The following MMS22L variants were observed in gnomAD, a reference collection of about 807,000 sequenced individuals.
MMS22L encodes the protein MMS22 like, DNA repair protein.
Under a neutral mutation model 159.1 loss-of-function variants are expected in MMS22L, and 74 were observed. The observed-to-expected ratio is 0.47, with a 90% CI of 0.39 to 0.56. MMS22L has a LOEUF of 0.56. MMS22L is among the 20% of genes least tolerant of loss of function. MMS22L has a pLI of 0.00. For missense variants in MMS22L, 1,351 were observed against 1,422.1 expected, an observed-to-expected ratio of 0.95 and a Z score of 0.80; for synonymous variants, 517 against 506.9, an observed-to-expected ratio of 1.02 and a Z score of -0.27.
chr6:97,149,061 G>C (rs183246553), intron 24 of MMS22L, among the ~76,000 whole-genome samples: 2 of 152,128 alleles, frequency 1.3e-5, no homozygotes, highest in Non-Finnish European at 2.9e-5. Context: ...TAGCCTAGGA[G>C]CAATAGGCCA....
At chr6:97,255,634 T>G (rs948214753) in intron 9 of MMS22L, among the ~76,000 whole-genome samples, 1 of 152,114 alleles carries the variant, frequency 6.6e-6, no homozygotes, top group African/African-American at 2.4e-5. Flanking sequence ...CCTCTAATTA[T>G]AACTTTTAGC....
intron 22 of MMS22L, among the ~76,000 whole-genome samples, chr6:97,160,395 C>T (rs867661397): frequency 2.0e-5 from 3 of 151,932 alleles, no homozygotes; most frequent in Non-Finnish European, 4.4e-5. Flanking sequence ...TGACAGGTCC[C>T]CCTCTACACT....
intron 24 of MMS22L, among the ~76,000 whole-genome samples, chr6:97,148,336 A>C (rs1801012793): frequency 6.6e-6 from 1 of 152,174 alleles, no homozygotes; most frequent in Non-Finnish European, 1.5e-5. Flanking sequence ...ACTCCTCTTT[A>C]TACTTATAAA....
At chr6:97,273,568 T>C (rs2128095093) in intron 4 of MMS22L, among the ~76,000 whole-genome samples, 1 of 152,210 alleles carries the variant, frequency 6.6e-6, no homozygotes, top group East Asian at 1.9e-4. Context: ...ACCTTCCGTG[T>C]TAAACTGCCT....
intron 18 of MMS22L, among the ~76,000 whole-genome samples, chr6:97,175,476 T>C (rs911410280): frequency 4.6e-5 from 7 of 152,322 alleles, no homozygotes; most frequent in South Asian, 4.1e-4. Context: ...AACTAAACCA[T>C]GGTGTCTGAA....
chr6:97,170,267 A>G (rs2128252316), intron 19 of MMS22L, among the ~76,000 whole-genome samples: 1 of 152,222 alleles, frequency 6.6e-6, no homozygotes, highest in South Asian at 2.1e-4. Context: ...TTTGTTGAAG[A>G]CTGTAAGCTT....
chr6:97,245,876 CACACACACACACACAT>C lies in MMS22L; in HGVS notation c.1182+736_1182+751del, dbSNP rs1209013076. On this transcript the variant is annotated intron_variant, in intron 11 of 24. Coordinates refer to ENST00000683635, the MANE Select transcript of MMS22L (RefSeq NM_001350599.2). ...ACACACACACACACACACACACACA[CACACACACACACACAT>C]ATAAAGCAATATTATACTACAATAT... 1.0e-4 allele frequency: 17 copies of C among 169,102 alleles called. 1 individual carries two copies. Among genetic ancestry groups the C allele is most frequent in the South Asian group, 4.2e-4 (5 of 11,938 alleles). The allele number at this position is 169,102 out of a possible 1,614,324, so 10.5% of individuals were successfully genotyped here.
Position 97,267,925 on chromosome 6 carries a change from A to G in MMS22L, c.775T>C (p.Cys259Arg). The G allele has an allele frequency of 5.0e-6, 8 of 1,610,058 alleles. No individual in the cohort carries two copies. The highest frequency in any genetic ancestry group is 6.8e-6 in the Non-Finnish European group (8 of 1,178,696). Reference sequence around the variant, plus strand: ...ATTAAATCACAAAGGAGAGTTTCACAATGTTCTTCAAATAGGCTGATGTTG... The same window carrying G: ...ATTAAATCACAAAGGAGAGTTTCACGATGTTCTTCAAATAGGCTGATGTTG... ...LTNISLFEEHCETLLCDLISL... is the reference protein window; with the variant it reads ...LTNISLFEEHRETLLCDLISL... Residue 259 changes from cysteine to arginine, a missense_variant, in exon 8 of 25, where the codon TGT (cysteine) becomes CGT (arginine). By Grantham distance (180) the Cys-to-Arg change is radical (BLOSUM62 -3). Transcript: ENST00000683635.
At chr6:97,234,208 C>T (rs925994442) in intron 11 of MMS22L, among the ~76,000 whole-genome samples, 7 of 152,068 alleles carry the variant, frequency 4.6e-5, no homozygotes, top group African/African-American at 9.7e-5. Flanking sequence ...TCACATAACT[C>T]GACTTTTAAT....
chr6:97,182,996 T>C (rs1373431043), intron 15 of MMS22L, among the ~76,000 whole-genome samples: 1 of 152,274 alleles, frequency 6.6e-6, no homozygotes, highest in African/African-American at 2.4e-5. Context: ...GACTCTTGAT[T>C]TCTTGAACTC....
chr6:97,243,788 C>T (rs972616477), intron 11 of MMS22L, among the ~76,000 whole-genome samples: 1 of 152,106 alleles, frequency 6.6e-6, no homozygotes, highest in Non-Finnish European at 1.5e-5. Context: ...ATGTGGTGTT[C>T]TCCCCCTTCC....
intron 4 of MMS22L, among the ~76,000 whole-genome samples, chr6:97,274,379 T>C (rs1007124798): frequency 6.6e-6 from 1 of 152,138 alleles, no homozygotes; most frequent in African/African-American, 2.4e-5. Flanking sequence ...TCTCGGCCCA[T>C]TAAGGCAGTA....
intron 9 of MMS22L, among the ~76,000 whole-genome samples, chr6:97,255,007 A>G (rs1277886474): frequency 6.6e-6 from 1 of 152,030 alleles, no homozygotes; most frequent in Non-Finnish European, 1.5e-5. Flanking sequence ...TTCGCCACAC[A>G]GGTATACCAG....
rs1235390920 is a variant in MMS22L at position 97,145,874 on chromosome 6, G to A, written c.*932C>T. 6.6e-6 allele frequency: 1 copy of A among 152,052 alleles called. No homozygotes were observed. The highest frequency in any genetic ancestry group is 1.5e-5 in the Non-Finnish European group (1 of 67,984). The allele number at this position is 152,052 out of a possible 1,614,324, so 9.4% of individuals were successfully genotyped here. A position where few individuals can be genotyped will look rare whatever the true frequency, so the allele number is the denominator to read the frequency against. ...AGGAGTCAAGGACAAGCTCCAACTG[G>A]TAAAACAATCTGGATGAGTTAAGAG... On this transcript the variant is annotated 3_prime_UTR_variant, in exon 25 of 25. Transcript: ENST00000683635.
intron 4 of MMS22L, among the ~76,000 whole-genome samples, chr6:97,278,267 G>GT (rs1816434804): frequency 6.6e-6 from 1 of 151,974 alleles, no homozygotes; most frequent in African/African-American, 2.4e-5. Flanking sequence ...GCTGGGGGTG[G>GT]TGGCAGGTGC....
At chr6:97,266,670 TG>T (rs1815152765) in intron 8 of MMS22L, 1 of 152,164 alleles carries the variant, frequency 6.6e-6, no homozygotes, top group Non-Finnish European at 1.5e-5. Context: ...CTTGAGAAGA[TG>T]GAAATGCTGT....
intron 17 of MMS22L, 39 bp from the exon 18 acceptor site, chr6:97,178,624 T>A (rs1460851557): frequency 9.1e-7 from 1 of 1,101,558 alleles, no homozygotes; most frequent in Admixed American, 2.5e-5. Flanking sequence ...TCAATTTATA[T>A]AACATACTAT....
intron 21 of MMS22L, among the ~76,000 whole-genome samples, 179 bp downstream of exon 21, chr6:97,165,067 T>C (rs566905730): frequency 2.0e-5 from 3 of 152,284 alleles, no homozygotes; most frequent in African/African-American, 7.2e-5. Context: ...AGCATTGTCT[T>C]AGGCTGCCAT....
rs570901988 is a variant in MMS22L, at chr6:97,246,523, T to C, written c.1182+105A>G. ...AGTTAACCCTTCAAAGCATGAAAGT[T>C]ATTTGTTTTCTGAATCATTTTAACA... On this transcript the variant is annotated intron_variant, in intron 11 of 24. Transcript: ENST00000683635. 17 of 832,650 alleles carry C rather than the reference T, an allele frequency of 2.0e-5. 2 individuals carry two copies. The highest frequency in any genetic ancestry group is 1.6e-4 in the African/African-American group (9 of 57,718). The allele number at this position is 832,650 out of a possible 1,614,324, so 51.6% of individuals were successfully genotyped here.
Sources: allele counts gnomAD v4.1 joint callset (sites outside exome capture counted in the v4.1 genomes callset), GRCh38; gene constraint gnomAD v4.1.1; transcripts MANE v1.5; gene names NCBI Gene and HGNC (gene_info 2026-07-23, HGNC 2026-07-21).